The following TP63 variants were observed in gnomAD, a reference collection of about 807,000 sequenced individuals.
TP63 encodes the protein tumor protein p63, also known as tumor protein 63.
TP63 carries 17 observed loss-of-function variants against 82.8 expected under a neutral mutation model. The ratio of observed to expected loss-of-function variants is 0.21; its 90% CI spans 0.14 to 0.31. The LOEUF (loss-of-function observed/expected upper bound fraction) is 0.31. TP63 is among the 10% of genes least tolerant of loss of function. TP63 has a pLI of 1.00. For missense variants in TP63, 648 were observed against 895.3 expected (o/e 0.72, Z 3.52); for synonymous variants, 330 against 321.7 (o/e 1.03, Z -0.28).
intron 1 of TP63, among the ~76,000 whole-genome samples, chr3:189,660,915 T>C (rs1428431563): frequency 1.3e-5 from 2 of 152,068 alleles, no homozygotes; most frequent in African/African-American, 2.4e-5. Context: ...TCAGTGTAAC[T>C]ATACATTTAT....
rs1204556680 is a variant in TP63 at position 189,808,583 on chromosome 3, C to T, written c.579+57C>T. On this transcript the variant is annotated intron_variant, in intron 4 of 13. Transcript: ENST00000264731. Reference sequence around the variant, plus strand: ...CCCCAAGTCCAAGGATGGGCTTCACCACGTCCCAGGGATTTCTCCCCCTTC... The same window carrying T: ...CCCCAAGTCCAAGGATGGGCTTCACTACGTCCCAGGGATTTCTCCCCCTTC... The T allele has an allele frequency of 5.6e-6, 9 of 1,607,792 alleles. No homozygotes were observed. The Admixed American group carries it at 1.3e-4, about 24-fold the overall frequency.
chr3:189,677,265 T>A (rs1392579925), intron 1 of TP63, among the ~76,000 whole-genome samples: 1 of 148,702 alleles, frequency 6.7e-6, no homozygotes, highest in Non-Finnish European at 1.5e-5. Flanking sequence ...CATATAGATA[T>A]ACACACACAC....
At chr3:189,757,774 G>A (rs1006043877) in intron 3 of TP63, among the ~76,000 whole-genome samples, 1 of 152,140 alleles carries the variant, frequency 6.6e-6, no homozygotes, top group African/African-American at 2.4e-5. Flanking sequence ...ATGACCATAA[G>A]GTGATGGTCA....
chr3:189,725,794 A>C (rs1255445602), intron 1 of TP63, among the ~76,000 whole-genome samples: 1 of 152,160 alleles, frequency 6.6e-6, no homozygotes, highest in African/African-American at 2.4e-5. Flanking sequence ...GGTGGCTCAC[A>C]CCTGTAATCC....
chr3:189,652,175 A>G (rs1246558495), intron 1 of TP63, among the ~76,000 whole-genome samples: 1 of 146,438 alleles, frequency 6.8e-6, no homozygotes. Context: ...TAGTGCACCT[A>G]GATAAACCAC....
intron 1 of TP63, among the ~76,000 whole-genome samples, chr3:189,638,577 A>T (rs1711539918): frequency 6.6e-6 from 1 of 152,190 alleles, no homozygotes; most frequent in South Asian, 2.1e-4. Flanking sequence ...TTGAAGGCCA[A>T]ATTTAGATCC....
intron 4 of TP63, among the ~76,000 whole-genome samples, chr3:189,840,429 A>G (rs1210145789): frequency 2.1e-5 from 3 of 139,902 alleles, no homozygotes; most frequent in Non-Finnish European, 3.0e-5. Context: ...TCAGGCAAAC[A>G]GTATTAAACA....
chr3:189,739,780 G>A (rs1389175596), intron 3 of TP63, among the ~76,000 whole-genome samples: 1 of 142,684 alleles, frequency 7.0e-6, no homozygotes, highest in Non-Finnish European at 1.5e-5. Context: ...ATGCTGGTGG[G>A]TTTTCTTTTT....
rs765012409 is a variant in TP63 at position 189,894,509 on chromosome 3, C to T, written c.*7C>T. ...CAAAGAGGAGGGGGAGTGAGCCTCA[C>T]CATGTGAGCTCTTCCTATCCCTCTC... On this transcript the variant is annotated 3_prime_UTR_variant, in exon 14 of 14. Transcript: ENST00000264731. 1.9e-6 allele frequency: 3 copies of T among 1,612,500 alleles called. No individual in the cohort carries two copies. The highest frequency in any genetic ancestry group is 2.2e-5 in the East Asian group (1 of 44,840).
In TP63 at chr3:189,894,530, C is replaced by T. The variant is rs1721330995; in HGVS notation, c.*28C>T. ...CTCACCATGTGAGCTCTTCCTATCC[C>T]TCTCCTAACTGCCAGCCCCCTAAAA... On this transcript the variant is annotated 3_prime_UTR_variant, in exon 14 of 14. Transcript: ENST00000264731. 1.2e-6 allele frequency: 2 copies of T among 1,610,762 alleles called. No homozygotes were observed. The highest frequency in any genetic ancestry group is 1.7e-6 in the Non-Finnish European group (2 of 1,179,838).
At chr3:189,864,518 A>ACTCC (rs1332814945) in intron 5 of TP63, 100 bp downstream of exon 5, 2 of 931,606 alleles carry the variant, frequency 2.1e-6, no homozygotes, top group Admixed American at 3.3e-5. Context: ...AGACTTCTGC[A>ACTCC]CTCCGATGGC....
At chr3:189,866,594 C>T in intron 5 of TP63, 88 bp from the exon 6 acceptor site, 2 of 1,199,376 alleles carry the variant, frequency 1.7e-6, no homozygotes, top group Non-Finnish European at 2.4e-6. Context: ...ATTTCTTTTG[C>T]CACCAACATC....
At chr3:189,741,045 G>C (rs1031857558) in intron 3 of TP63, among the ~76,000 whole-genome samples, 2 of 152,034 alleles carry the variant, frequency 1.3e-5, no homozygotes, top group Non-Finnish European at 2.9e-5. Flanking sequence ...TAGGAGATTC[G>C]GAGAGAGCTA....
intron 5 of TP63, among the ~76,000 whole-genome samples, chr3:189,865,852 C>T (rs1398626202): frequency 6.6e-6 from 1 of 152,180 alleles, no homozygotes; most frequent in East Asian, 1.9e-4. Context: ...AGATAACATA[C>T]TATTTGTAAG....
intron 3 of TP63, among the ~76,000 whole-genome samples, chr3:189,806,017 C>A (rs1449279231): frequency 6.7e-6 from 1 of 149,648 alleles, no homozygotes; most frequent in Admixed American, 6.7e-5. Context: ...CAGAACCCAC[C>A]CAATAAACAA....
the TP63 span, among the ~76,000 whole-genome samples, chr3:189,610,329 C>T: frequency 1.3e-5 from 2 of 152,104 alleles, no homozygotes; most frequent in African/African-American, 4.8e-5. Flanking sequence ...CCTTATAAAA[C>T]TGAATGCCTT....
At chr3:189,682,546 A>AT (rs1716027230) in intron 1 of TP63, among the ~76,000 whole-genome samples, 61 of 37,794 alleles carry the variant, frequency 1.6e-3, no homozygotes, top group Non-Finnish European at 4.5e-3. Context: ...GAAAAAAAAA[A>AT]AAAAAAAATA....
At chr3:189,603,493 C>T in the TP63 span, among the ~76,000 whole-genome samples, 3 of 151,612 alleles carry the variant, frequency 2.0e-5, no homozygotes, top group African/African-American at 7.3e-5. Context: ...AGATTTCTTC[C>T]TCTGAGAGGG....
chr3:189,840,466 G>C (rs574017081), intron 4 of TP63, among the ~76,000 whole-genome samples: 1 of 136,258 alleles, frequency 7.3e-6, no homozygotes, highest in African/African-American at 2.8e-5. Flanking sequence ...GATTGTGTAC[G>C]TGTGTGTGTG....
Sources: gnomAD v4.1 joint callset for allele counts (sites outside exome capture counted in the v4.1 genomes callset) on GRCh38, gnomAD v4.1.1 for gene constraint, MANE v1.5 for transcripts, NCBI Gene and HGNC (gene_info 2026-07-23, HGNC 2026-07-21) for gene names.